Variants in SCAMP1 observed in about 807,000 individuals in gnomAD.
The protein encoded by SCAMP1 is secretory carrier-associated membrane protein 1.
Under a neutral mutation model 41.8 loss-of-function variants are expected in SCAMP1, and 15 were observed. The ratio of observed to expected loss-of-function variants is 0.36; its 90% confidence interval spans 0.24 to 0.55. The LOEUF is 0.55. Ranked by LOEUF, SCAMP1 falls within the 20% of genes least tolerant of loss-of-function variation. The pLI is 0.86. For synonymous variants in SCAMP1, 135 were observed against 136.8 expected (o/e 0.99, Z 0.09); for missense variants, 341 against 412.6 (o/e 0.83, Z 1.50).
chr5:78,366,419 C>T (rs561582841), intron 1 of SCAMP1, among the ~76,000 whole-genome samples: 4 of 152,284 alleles, frequency 2.6e-5, no homozygotes, highest in Admixed American at 2.0e-4. Flanking sequence ...GCTGGGATTA[C>T]AGGTGTATGC....
intron 1 of SCAMP1, among the ~76,000 whole-genome samples, chr5:78,366,293 G>A (rs1035604352): frequency 2.0e-5 from 3 of 151,992 alleles, no homozygotes; most frequent in Non-Finnish European, 4.4e-5. Flanking sequence ...ATAGGTGCAT[G>A]CCACCATGCC....
At chr5:78,445,138 C>T (rs952726935) in intron 6 of SCAMP1, among the ~76,000 whole-genome samples, 1 of 152,110 alleles carries the variant, frequency 6.6e-6, no homozygotes, top group African/African-American at 2.4e-5. Flanking sequence ...ATTAATATCT[C>T]TGGTATTGAT....
At chr5:78,471,986 G>A (rs1248301645) in intron 8 of SCAMP1, among the ~76,000 whole-genome samples, 2 of 151,986 alleles carry the variant, frequency 1.3e-5, no homozygotes, top group African/African-American at 4.8e-5. Flanking sequence ...TATTATTTTA[G>A]GAGTAATGCA....
chr5:78,467,139 G>A (rs968378730), intron 8 of SCAMP1, among the ~76,000 whole-genome samples: 3 of 152,148 alleles, frequency 2.0e-5, no homozygotes, highest in Non-Finnish European at 4.4e-5. Context: ...AGGAGCAAGG[G>A]AAGAACTTTA....
At chr5:78,386,908 T>C (rs1272275197) in intron 1 of SCAMP1, among the ~76,000 whole-genome samples, 2 of 152,340 alleles carry the variant, frequency 1.3e-5, no homozygotes, top group African/African-American at 2.4e-5. Context: ...GTCTTGACTT[T>C]AGATAACCTG....
chr5:78,414,960 T>C (rs1752173603), intron 2 of SCAMP1, among the ~76,000 whole-genome samples: 1 of 151,330 alleles, frequency 6.6e-6, no homozygotes, highest in Non-Finnish European at 1.5e-5. Context: ...AAAGTTCTTT[T>C]TTTTTTTTTT....
intron 1 of SCAMP1, among the ~76,000 whole-genome samples, chr5:78,387,755 A>G (rs1205310733): frequency 1.3e-5 from 2 of 152,142 alleles, no homozygotes; most frequent in South Asian, 2.1e-4. Flanking sequence ...CAGTGGAGCT[A>G]CTGGGCTCTG....
chr5:78,465,001 A>C (rs976974593), intron 8 of SCAMP1, among the ~76,000 whole-genome samples: 8 of 152,170 alleles, frequency 5.3e-5, no homozygotes, highest in Admixed American at 2.6e-4. Flanking sequence ...GATGTTTTTT[A>C]ATCCGTGCAT....
At chr5:78,452,344 C>G (rs573990304) in intron 7 of SCAMP1, among the ~76,000 whole-genome samples, 112 of 129,778 alleles carry the variant, frequency 8.6e-4, no homozygotes, top group African/African-American at 3.2e-3. Context: ...CTCCCTCCCC[C>G]CACCCCACGA....
At chr5:78,444,354 G>C (rs1286470477) in intron 6 of SCAMP1, among the ~76,000 whole-genome samples, 1 of 152,186 alleles carries the variant, frequency 6.6e-6, no homozygotes, top group Non-Finnish European at 1.5e-5. Context: ...GGGGAAGGAG[G>C]AGCAAAGGTA....
At chr5:78,368,195 C>T (rs913809555) in intron 1 of SCAMP1, among the ~76,000 whole-genome samples, 4 of 152,066 alleles carry the variant, frequency 2.6e-5, no homozygotes, top group African/African-American at 4.8e-5. Flanking sequence ...GTGAAGTGTC[C>T]GTTGCCATGG....
intron 6 of SCAMP1, among the ~76,000 whole-genome samples, chr5:78,440,462 T>A (rs1239028300): frequency 6.6e-6 from 1 of 152,198 alleles, no homozygotes; most frequent in African/African-American, 2.4e-5. Context: ...CTGTTGGAGT[T>A]TGCTGGAGGT....
At chr5:78,421,715 A>AT (rs1248337493) in intron 5 of SCAMP1, 86 bp from the exon 6 acceptor site, 1 of 1,186,178 alleles carries the variant, frequency 8.4e-7, no homozygotes, top group South Asian at 1.4e-5. Context: ...CTTAGGAAGT[A>AT]TTTTTTTATT....
intron 8 of SCAMP1, among the ~76,000 whole-genome samples, chr5:78,467,983 A>T (rs1450427154): frequency 6.6e-6 from 1 of 152,136 alleles, no homozygotes; most frequent in Non-Finnish European, 1.5e-5. Flanking sequence ...TCTAACCGTA[A>T]TCTGTGCACG....
At position 78,366,144 on chromosome 5, in the gene SCAMP1, C is replaced by CTTTT. The variant is rs781191155; in HGVS notation, c.57+5417_57+5420dup. 4.4e-5 allele frequency among the ~76,000 whole-genome samples: 6 copies of CTTTT among 135,664 alleles called. 2 individuals carry two copies. The highest frequency in any genetic ancestry group is 1.5e-4 in the Admixed American group (2 of 13,154). 89.0% of individuals were successfully genotyped at this position (135,664 alleles called of 152,430 possible). On this transcript the variant is annotated intron_variant, in intron 1 of 8. Coordinates refer to ENST00000621999, the MANE Select transcript of SCAMP1 (RefSeq NM_004866.6). ...CAGCTCTTTGGGGCCCTTTTCTTTTCTTTTCTTTTTTTTTTTTGAGACGGA... is the reference window on the plus strand; with the variant it reads ...CAGCTCTTTGGGGCCCTTTTCTTTTCTTTTTTTTCTTTTTTTTTTTTGAGACGGA...
intron 8 of SCAMP1, among the ~76,000 whole-genome samples, chr5:78,460,424 T>G (rs1753555583): frequency 6.6e-6 from 1 of 152,176 alleles, no homozygotes; most frequent in South Asian, 2.1e-4. Flanking sequence ...TCTGTTGTTT[T>G]TTGAGTTTTT....
chr5:78,408,084 C>T (rs1251980431), intron 2 of SCAMP1, among the ~76,000 whole-genome samples: 27 of 152,182 alleles, frequency 1.8e-4, no homozygotes, highest in Middle Eastern at 3.4e-3. Flanking sequence ...GTGTATTAGT[C>T]AGTTCTCATG....
chr5:78,437,378 A>G (rs1287747710), intron 6 of SCAMP1, among the ~76,000 whole-genome samples: 1 of 152,226 alleles, frequency 6.6e-6, no homozygotes. Flanking sequence ...TTATTTTGAG[A>G]TATGTCCCAT....
At chr5:78,391,539 AG>A (rs1751504026) in intron 2 of SCAMP1, among the ~76,000 whole-genome samples, 1 of 151,550 alleles carries the variant, frequency 6.6e-6, no homozygotes, top group South Asian at 2.1e-4. Context: ...TGCCGGGCGG[AG>A]GGGCTCTTCA....
Sources: allele counts gnomAD v4.1 joint callset (sites outside exome capture counted in the v4.1 genomes callset), GRCh38; gene constraint gnomAD v4.1.1; transcripts MANE v1.5; gene names NCBI Gene and HGNC (gene_info 2026-07-23, HGNC 2026-07-21).